PKD1L1: variants seen among roughly 807,000 people sequenced by gnomAD.
The protein encoded by PKD1L1 is polycystin-1-like protein 1.
In PKD1L1, 236 loss-of-function variants were observed where a neutral mutation model predicts 323.4. The observed-to-expected ratio is 0.73, with a 90% CI of 0.66 to 0.81. PKD1L1 has a LOEUF of 0.81. Ranked by LOEUF, PKD1L1 falls within the 40% of genes least tolerant of loss-of-function variation. The probability of loss-of-function intolerance (pLI) is 0.00; values close to 1 mark genes in which losing one functional copy is unlikely to be tolerated. For synonymous variants in PKD1L1, 1,344 were observed against 1,335.0 expected (o/e 1.01, Z -0.15); for missense variants, 3,320 against 3,508.0 (o/e 0.95, Z 1.35).
At position 47,834,256 on chromosome 7, in the gene PKD1L1, T is replaced by C. The variant is rs542419074; in HGVS notation, c.6174+83A>G. ...GCCTGACCCATCCATGGCCAGACCATAGCCAAGGGAGGATGCCAGAGAAAT... is the reference window on the plus strand; with the variant it reads ...GCCTGACCCATCCATGGCCAGACCACAGCCAAGGGAGGATGCCAGAGAAAT... On this transcript the variant is annotated intron_variant, in intron 40 of 56. Transcript: ENST00000289672. The C allele has an allele frequency of 9.2e-5, 130 of 1,409,880 alleles. 3 individuals carry two copies. Among genetic ancestry groups the C allele is most frequent in the South Asian group, 9.0e-4 (75 of 83,064 alleles). 87.3% of individuals were successfully genotyped at this position (1,409,880 alleles called of 1,614,324 possible).
rs199765932 is a variant in PKD1L1 at position 47,831,237 on chromosome 7, C to A, written c.6453G>T (p.Gly2151=). 102 of 1,613,992 alleles carry A rather than the reference C, an allele frequency of 6.3e-5. No homozygotes were observed. Among genetic ancestry groups the A allele is most frequent in the Non-Finnish European group, 8.5e-7 (1 of 1,179,944 alleles). ...CGTASLACSL[G]TGFLAYRFGQ... is the part of the protein sequence containing the mutation. ...CTCACCTGTAGGCTAGAAATCCTGTCCCCAAACTGCAGGCCAAAGAAGCGG... is the reference window on the plus strand; with the variant it reads ...CTCACCTGTAGGCTAGAAATCCTGTACCCAAACTGCAGGCCAAAGAAGCGG... The change falls in exon 42 of 57, where the codon GGG becomes GGT. Residue 2151 remains glycine (G), a synonymous_variant. Transcript: ENST00000289672.
rs771829950 is a variant in PKD1L1, at chr7:47,893,958, G to A, written c.2373C>T (p.Phe791=). Residue 791 remains phenylalanine (F), a synonymous_variant, in exon 15 of 57, where the codon TTC becomes TTT. Transcript: ENST00000289672. The part of the protein sequence containing the change: ...VSVISEGTHL[F]FSRTTSSPIV... ...TGGGGGATGAGGTGGTCCTGGAGAAGAATAGGTGTGTGCCCTCGGAGATCA... is the reference window on the plus strand; with the variant it reads ...TGGGGGATGAGGTGGTCCTGGAGAAAAATAGGTGTGTGCCCTCGGAGATCA... The A allele has an allele frequency of 5.0e-6, 8 of 1,613,882 alleles. No individual in the cohort carries two copies. The African/African-American group carries it at 9.3e-5, about 19-fold the overall frequency.
intron 26 of PKD1L1, among the ~76,000 whole-genome samples, chr7:47,859,720 G>A (rs1404261070): frequency 6.6e-6 from 1 of 150,650 alleles, no homozygotes; most frequent in African/African-American, 2.4e-5. Flanking sequence ...TCCGCCTCCT[G>A]GGTTTAAGCA....
At chr7:47,959,320 C>G in the PKD1L1 span, among the ~76,000 whole-genome samples, 7 of 150,586 alleles carry the variant, frequency 4.6e-5, no homozygotes, top group Non-Finnish European at 8.9e-5. Context: ...GCCTGGCTAC[C>G]CAGTCTGGAA....
chr7:47,781,399 G>GT (rs1562927349), intron 56 of PKD1L1, among the ~76,000 whole-genome samples: 3 of 71,768 alleles, frequency 4.2e-5, no homozygotes, highest in South Asian at 4.5e-4. Flanking sequence ...TTTTTTTTTT[G>GT]TTTTGTTTTG....
chr7:47,797,209 T>G (rs966355750), intron 54 of PKD1L1, among the ~76,000 whole-genome samples: 2 of 152,208 alleles, frequency 1.3e-5, no homozygotes, highest in Non-Finnish European at 2.9e-5. Flanking sequence ...CTCTCTCTGC[T>G]GCCCCTCTCC....
At chr7:47,846,826 A>G (rs1436704338) in intron 32 of PKD1L1, 53 bp downstream of exon 32, 1 of 1,528,624 alleles carries the variant, frequency 6.5e-7, no homozygotes, top group African/African-American at 1.4e-5. Flanking sequence ...AATGCAGAAG[A>G]CAAGGCAGTC....
intron 26 of PKD1L1, among the ~76,000 whole-genome samples, chr7:47,863,140 G>A (rs1786069139): frequency 6.6e-6 from 1 of 152,104 alleles, no homozygotes; most frequent in South Asian, 2.1e-4. Flanking sequence ...AATGGATGAG[G>A]GGAAGAAAGG....
rs142128256 is a variant in PKD1L1, at chr7:47,886,583, G to A, written c.2837-529C>T. Reference sequence around the variant, plus strand: ...GTGCCCTCCTCGCTGTAATGAGTGAGTTCTTGCTCTGAGTTCGTGGGAAGT... The same window carrying A: ...GTGCCCTCCTCGCTGTAATGAGTGAATTCTTGCTCTGAGTTCGTGGGAAGT... On this transcript the variant is annotated intron_variant, in intron 17 of 56. Transcript: ENST00000289672. 4.3e-3 allele frequency among the ~76,000 whole-genome samples: 655 copies of A among 152,270 alleles called. 22 individuals carry two copies. The highest frequency in any genetic ancestry group is 0.04 in the Admixed American group (608 of 15,292).
intron 56 of PKD1L1, among the ~76,000 whole-genome samples, chr7:47,775,631 G>A (rs1584936144): frequency 6.6e-6 from 1 of 151,660 alleles, no homozygotes; most frequent in African/African-American, 2.4e-5. Context: ...GAATGCTAAC[G>A]CAATACTCCG....
chr7:47,905,077 G>T (rs184726013), intron 11 of PKD1L1, 80 bp downstream of exon 11: 1 of 1,475,752 alleles, frequency 6.8e-7, no homozygotes, highest in Non-Finnish European at 9.1e-7. Context: ...AAATGCCTTC[G>T]GTAGCAGCAT....
chr7:47,901,061 C>T (rs776457616), intron 13 of PKD1L1, among the ~76,000 whole-genome samples: 20 of 151,718 alleles, frequency 1.3e-4, no homozygotes, highest in African/African-American at 3.4e-4. Flanking sequence ...AAAAAATGAC[C>T]GGGCAGGGTC....
intron 34 of PKD1L1, among the ~76,000 whole-genome samples, 190 bp downstream of exon 34, chr7:47,842,772 T>A (rs1583613656): frequency 6.6e-6 from 1 of 152,008 alleles, no homozygotes; most frequent in East Asian, 1.9e-4. Flanking sequence ...GGTGAAGGGG[T>A]CTGCTCTTCA....
chr7:47,829,298 A>T, intron 44 of PKD1L1, 127 bp downstream of exon 44: 1 of 902,076 alleles, frequency 1.1e-6, no homozygotes, highest in Non-Finnish European at 1.6e-6. Flanking sequence ...ATAAGAAATT[A>T]AGACATCCCA....
At chr7:47,930,587 C>T (rs995248375) in intron 6 of PKD1L1, among the ~76,000 whole-genome samples, 1 of 151,620 alleles carries the variant, frequency 6.6e-6, no homozygotes, top group Non-Finnish European at 1.5e-5. Context: ...GAGGCCGAGG[C>T]GGGTGGATCA....
At chr7:47,918,643 A>G (rs910095355) in intron 7 of PKD1L1, among the ~76,000 whole-genome samples, 19 of 152,174 alleles carry the variant, frequency 1.2e-4, no homozygotes, top group African/African-American at 4.6e-4. Context: ...AATAAATTTA[A>G]GAAAATCAAA....
chr7:47,817,341 C>A (rs994062839), intron 46 of PKD1L1, among the ~76,000 whole-genome samples: 1 of 152,134 alleles, frequency 6.6e-6, no homozygotes, highest in African/African-American at 2.4e-5. Context: ...TTAACTGTTT[C>A]CAGCACACCA....
At chr7:47,955,035 C>T in the PKD1L1 span, among the ~76,000 whole-genome samples, 2 of 152,158 alleles carry the variant, frequency 1.3e-5, no homozygotes, top group Non-Finnish European at 2.9e-5. Flanking sequence ...AAGTCCTGTG[C>T]GTGGCTGGTC....
At chr7:47,856,900 G>C (rs1165925857) in intron 28 of PKD1L1, among the ~76,000 whole-genome samples, 5 of 147,508 alleles carry the variant, frequency 3.4e-5, no homozygotes, top group African/African-American at 1.3e-4. Flanking sequence ...AGCCAGACTG[G>C]GGTCGGGGGC....
Sources: allele counts gnomAD v4.1 joint callset (sites outside exome capture counted in the v4.1 genomes callset), GRCh38; gene constraint gnomAD v4.1.1; transcripts MANE v1.5; gene names NCBI Gene and HGNC (gene_info 2026-07-23, HGNC 2026-07-21).